LRRC53: variants seen among roughly 807,000 people sequenced by gnomAD.
LRRC53 encodes leucine rich repeat containing 53.
A neutral mutation model predicts 13.6 loss-of-function variants in LRRC53; 25 were observed. The observed-to-expected ratio is 1.83, with a 90% CI of 1.34 to 2.56. LRRC53 has a LOEUF of 2.56. Ranked by LOEUF, LRRC53 falls within the 30% of genes most tolerant of loss-of-function variation. LRRC53 has a pLI of 0.00. For synonymous variants in LRRC53, 204 were observed against 109.8 expected (o/e 1.86, Z -5.37); for missense variants, 527 against 275.8 (o/e 1.91, Z -6.45).
In LRRC53 at chr1:74,475,694, A is replaced by C. The variant is rs1668170506; in HGVS notation, c.1021T>G (p.Cys341Gly). 3 of 709,380 alleles carry C rather than the reference A, an allele frequency of 4.2e-6. No homozygotes were observed. Among genetic ancestry groups the C allele is most frequent in the Middle Eastern group, 2.3e-4 (1 of 4,312 alleles). 43.9% of individuals were successfully genotyped at this position (709,380 alleles called of 1,614,324 possible). ...LCCRTFDEPL[C>G]AHEARNYHTK... is the part of the protein sequence containing the mutation. ...TGGTAATTTCTTGCCTCATGAGCAC[A>C]CAGGGGTTCATCGAAGGTTCTGCAA... is the stretch of plus-strand genomic sequence containing the variant. Residue 341 changes from cysteine (C) to glycine (G), a missense_variant, in exon 4 of 5, where the codon TGT (cysteine) becomes GGT (glycine). Cys to Gly is a radical substitution (Grantham distance 159). Coordinates refer to ENST00000294635, the MANE Select transcript of LRRC53 (RefSeq NM_001382280.1).
chr1:74,513,140 G>T (rs1646287399), upstream of LRRC53, among the ~76,000 whole-genome samples: 1 of 152,228 alleles, frequency 6.6e-6, no homozygotes, highest in African/African-American at 2.4e-5. Context: ...TCACTGGCCT[G>T]AGATTACAGC....
intron 1 of LRRC53, among the ~76,000 whole-genome samples, chr1:74,490,704 C>G (rs1167862463): frequency 6.6e-6 from 1 of 152,114 alleles, no homozygotes; most frequent in East Asian, 1.9e-4. Flanking sequence ...ACTTTTCAGT[C>G]AACGGTTTAG....
At position 74,505,300 on chromosome 1, in the gene LRRC53, C is replaced by G. The variant is rs544058788; in HGVS notation, c.-27+7226G>C. Reference sequence around the variant, plus strand: ...GGCCTAATTAAATCTATACAGGCAGCACTGTGTTCTGTTCATCCTCCCTGA... The same window carrying G: ...GGCCTAATTAAATCTATACAGGCAGGACTGTGTTCTGTTCATCCTCCCTGA... On this transcript the variant is annotated intron_variant, in intron 1 of 4. Coordinates refer to ENST00000294635, the MANE Select transcript of LRRC53 (RefSeq NM_001382280.1). Among the ~76,000 whole-genome samples, 19 of 152,330 alleles carry G rather than the reference C, an allele frequency of 1.2e-4. No homozygotes were observed. In the South Asian group the frequency reaches 3.7e-3, roughly 30 times the overall value.
intron 1 of LRRC53, among the ~76,000 whole-genome samples, chr1:74,509,390 C>T (rs951056287): frequency 1.3e-5 from 2 of 152,192 alleles, no homozygotes; most frequent in East Asian, 3.8e-4. Context: ...GTGAATGTGG[C>T]TGCTGAATGC....
chr1:74,484,406 A>G (rs952432058), intron 1 of LRRC53, among the ~76,000 whole-genome samples: 1 of 152,202 alleles, frequency 6.6e-6, no homozygotes, highest in African/African-American at 2.4e-5. Flanking sequence ...GCTGACAAGC[A>G]CCTGCCCTTG....
chr1:74,522,833 C>T, the LRRC53 span, among the ~76,000 whole-genome samples: 1 of 152,136 alleles, frequency 6.6e-6, no homozygotes, highest in East Asian at 1.9e-4. Context: ...GGAAACTTTA[C>T]CTGTAGAAGG....
rs913758025 is a variant in LRRC53 at position 74,470,064 on chromosome 1, G to A, written c.3558C>T (p.Gly1186=). ...QPDKDSAHKE[G]AMTVETHEAL... is the part of the protein sequence containing the mutation. ...CTTCATGTGTCTCCACTGTCATTGCGCCTTCTTTATGTGCACTATCTTTAT... is the reference window on the plus strand; with the variant it reads ...CTTCATGTGTCTCCACTGTCATTGCACCTTCTTTATGTGCACTATCTTTAT... Residue 1186 remains glycine (G), a synonymous_variant, in exon 5 of 5, where the codon GGC becomes GGT. Coordinates refer to ENST00000294635, the MANE Select transcript of LRRC53 (RefSeq NM_001382280.1). 4 of 400,628 alleles carry A rather than the reference G, an allele frequency of 1.0e-5. No homozygotes were observed. Among genetic ancestry groups the A allele is most frequent in the Middle Eastern group, 3.1e-4 (1 of 3,220 alleles). 24.8% of individuals were successfully genotyped at this position (400,628 alleles called of 1,614,324 possible).
chr1:74,526,559 C>T, the LRRC53 span, among the ~76,000 whole-genome samples: 1 of 152,170 alleles, frequency 6.6e-6, no homozygotes, highest in African/African-American at 2.4e-5. Flanking sequence ...TCATCTTCTT[C>T]ATTAGGTTGC....
upstream of LRRC53, among the ~76,000 whole-genome samples, chr1:74,514,714 A>G (rs1292548847): frequency 6.6e-6 from 1 of 152,106 alleles, no homozygotes; most frequent in Non-Finnish European, 1.5e-5. Flanking sequence ...CACCATAAGA[A>G]ATTCTGTTTG....
At chr1:74,492,306 T>G in intron 1 of LRRC53, 1 of 1,444,210 alleles carries the variant, frequency 6.9e-7, no homozygotes, top group Non-Finnish European at 9.3e-7. Flanking sequence ...TAAAGTCTTA[T>G]TTCAGAATCT....
At chr1:74,501,819 A>G (rs554687299) in intron 1 of LRRC53, among the ~76,000 whole-genome samples, 45 of 152,236 alleles carry the variant, frequency 3.0e-4, no homozygotes, top group Middle Eastern at 3.4e-3. Context: ...ACGTGTAGTA[A>G]TAATTCTGCT....
chr1:74,522,988 G>A, the LRRC53 span, among the ~76,000 whole-genome samples: 1 of 152,172 alleles, frequency 6.6e-6, no homozygotes, highest in Non-Finnish European at 1.5e-5. Context: ...AATGAGAGGG[G>A]AAACCCCATG....
chr1:74,530,203 A>G, the LRRC53 span, among the ~76,000 whole-genome samples: 1 of 152,222 alleles, frequency 6.6e-6, no homozygotes, highest in Admixed American at 6.5e-5. Context: ...TATTCCTAAT[A>G]TATAGCACAG....
At chr1:74,506,240 C>T (rs188729289) in intron 1 of LRRC53, among the ~76,000 whole-genome samples, 11 of 152,288 alleles carry the variant, frequency 7.2e-5, no homozygotes, top group East Asian at 1.9e-4. Context: ...ATGTTCTAGA[C>T]GCTATTGTGC....
At chr1:74,513,585 C>A (rs1471753924), upstream of LRRC53, among the ~76,000 whole-genome samples, 1 of 152,166 alleles carries the variant, frequency 6.6e-6, no homozygotes, top group Non-Finnish European at 1.5e-5. Context: ...TCTGCTTCAT[C>A]CAGAGGCAGC....
At chr1:74,509,756 T>C (rs1292849796) in intron 1 of LRRC53, among the ~76,000 whole-genome samples, 3 of 126,906 alleles carry the variant, frequency 2.4e-5, no homozygotes, top group Non-Finnish European at 3.4e-5. Context: ...TCTTTTTTTT[T>C]TTTTTTTTTT....
upstream of LRRC53, among the ~76,000 whole-genome samples, chr1:74,515,308 T>C (rs913209854): frequency 1.3e-5 from 2 of 152,170 alleles, no homozygotes; most frequent in East Asian, 3.9e-4. Flanking sequence ...CTGAGGGTCA[T>C]AGTCATGTTA....
chr1:74,479,880 G>T (rs568779695), intron 3 of LRRC53, among the ~76,000 whole-genome samples: 2 of 152,218 alleles, frequency 1.3e-5, no homozygotes, highest in Non-Finnish European at 2.9e-5. Flanking sequence ...TAAATAGCAG[G>T]TTAACCTGTT....
Position 74,469,862 on chromosome 1 carries a change from A to G in LRRC53, c.*16T>C, listed in dbSNP as rs186884067. 1.8e-4 allele frequency: 71 copies of G among 400,490 alleles called. No individual in the cohort carries two copies. The highest frequency in any genetic ancestry group is 9.6e-4 in the African/African-American group (47 of 48,816). The allele number at this position is 400,490 out of a possible 1,614,324, so 24.8% of individuals were successfully genotyped here. A position where few individuals can be genotyped will look rare whatever the true frequency, so the allele number is the denominator to read the frequency against. On this transcript the variant is annotated 3_prime_UTR_variant, in exon 5 of 5. Transcript: ENST00000294635. ...TAAAGTAGAAAAGGATTATTATTTG[A>G]GTTATTTTGTTCACTTTATTCTGTT... is the stretch of plus-strand genomic sequence containing the variant.
Sources: gnomAD v4.1 joint callset for allele counts (sites outside exome capture counted in the v4.1 genomes callset) on GRCh38, gnomAD v4.1.1 for gene constraint, MANE v1.5 for transcripts, NCBI Gene and HGNC (gene_info 2026-07-23, HGNC 2026-07-21) for gene names.